Variants in NPHP4 observed in about 807,000 individuals in gnomAD.
NPHP4 encodes nephrocystin 4, also known as nephrocystin-4.
In NPHP4, 151 loss-of-function variants were observed where a neutral mutation model predicts 155.8. The ratio of observed to expected loss-of-function variants is 0.97; its 90% CI spans 0.85 to 1.11. NPHP4 has a LOEUF of 1.11. NPHP4 is among the 50% of genes least tolerant of loss of function. NPHP4 has a pLI of 0.00. For synonymous variants in NPHP4, 845 were observed against 816.8 expected, an observed-to-expected ratio of 1.03 and a Z score of -0.59; for missense variants, 1,956 against 1,925.7, an observed-to-expected ratio of 1.02 and a Z score of -0.29.
In NPHP4 at chr1:5,904,635, C is replaced by T. The variant is rs1282597137; in HGVS notation, c.2125G>A (p.Asp709Asn). ...LTHILVPVSR[D>N]GTFDAGSPGF... Reference sequence around the variant, plus strand: ...TACTCACCAGCATCAAAGGTGCCATCTCTGCTCACAGGCACGAGGATGTGG... The same window carrying T: ...TACTCACCAGCATCAAAGGTGCCATTTCTGCTCACAGGCACGAGGATGTGG... The change falls in exon 16 of 30, where the codon GAT becomes AAT. Residue 709 changes from aspartate to asparagine, a missense_variant. Coordinates refer to ENST00000378156, the MANE Select transcript of NPHP4 (RefSeq NM_015102.5). 2.5e-6 allele frequency: 4 copies of T among 1,610,576 alleles called. No individual in the cohort carries two copies. The highest frequency in any genetic ancestry group is 2.5e-6 in the Non-Finnish European group (3 of 1,177,432).
At chr1:5,988,690 A>G (rs964157237) in intron 1 of NPHP4, among the ~76,000 whole-genome samples, 7 of 152,192 alleles carry the variant, frequency 4.6e-5, no homozygotes, top group Non-Finnish European at 7.3e-5. Context: ...CACCCCCTGC[A>G]TGCTCCCGGC....
At chr1:5,922,909 G>C (rs1335489934) in intron 11 of NPHP4, among the ~76,000 whole-genome samples, 1 of 152,216 alleles carries the variant, frequency 6.6e-6, no homozygotes, top group Non-Finnish European at 1.5e-5. Context: ...GAGGCGGGTG[G>C]ATTGCTTGAG....
In NPHP4 at chr1:5,887,393, T is replaced by C. The variant is rs368049363; in HGVS notation, c.2378A>G (p.Gln793Arg). ...ELEVVATEYE[Q>R]DNMVVSGDML... ...GTCTCCACTCACCACCATGTTGTCC[T>C]GCTCGTATTCAGTTGCCACGACCTC... Residue 793 changes from glutamine to arginine, a missense_variant, in exon 18 of 30, where the codon CAG (glutamine) becomes CGG (arginine). Gln to Arg is a conservative substitution (Grantham distance 43). Transcript: ENST00000378156. 6.2e-7 allele frequency: 1 copy of C among 1,613,544 alleles called. No homozygotes were observed. Among genetic ancestry groups the C allele is most frequent in the Non-Finnish European group, 8.5e-7 (1 of 1,179,882 alleles).
At chr1:5,964,443 C>A (rs1196255564) in intron 5 of NPHP4, among the ~76,000 whole-genome samples, 1 of 152,124 alleles carries the variant, frequency 6.6e-6, no homozygotes, top group Non-Finnish European at 1.5e-5. Flanking sequence ...ACAGGTGAGC[C>A]CCAGTTGCCT....
rs115869141 is a variant in NPHP4 at position 5,864,435 on chromosome 1, C to G, written c.3899G>C (p.Ser1300Thr). The part of the protein sequence containing the change: ...HVGVRPLRAG[S>T]RFVHLNLVDV... ...CACCAGGTTGAGATGGACAAAGCGG[C>G]TGCCGGCCCTAAGGGGCCTCACGCC... Residue 1300 changes from serine (S) to threonine (T), a missense_variant, in exon 28 of 30, where the codon AGC becomes ACC. Transcript: ENST00000378156. 1.2e-6 allele frequency: 2 copies of G among 1,609,102 alleles called. No homozygotes were observed. The highest frequency in any genetic ancestry group is 1.1e-5 in the South Asian group (1 of 90,140).
At chr1:5,985,930 G>A (rs942790569) in intron 2 of NPHP4, among the ~76,000 whole-genome samples, 4 of 152,190 alleles carry the variant, frequency 2.6e-5, no homozygotes, top group Non-Finnish European at 4.4e-5. Flanking sequence ...ACTGGGCAAA[G>A]TCATCTAACA....
intron 23 of NPHP4, among the ~76,000 whole-genome samples, chr1:5,870,353 C>T (rs1220693660): frequency 6.6e-6 from 1 of 152,140 alleles, no homozygotes; most frequent in African/African-American, 2.4e-5. Flanking sequence ...AATAGAAATT[C>T]ATTGTTCATA....
chr1:5,900,393 G>A (rs1213718912), intron 16 of NPHP4, among the ~76,000 whole-genome samples: 2 of 152,318 alleles, frequency 1.3e-5, no homozygotes, highest in South Asian at 2.1e-4. Flanking sequence ...ATACGTGAGT[G>A]AGCGAGACAC....
intron 23 of NPHP4, among the ~76,000 whole-genome samples, chr1:5,870,405 C>T (rs970036686): frequency 1.3e-5 from 2 of 152,114 alleles, no homozygotes; most frequent in African/African-American, 2.4e-5. Context: ...GAAGGCACAG[C>T]TCTACCTTAC....
rs1001861077 is a variant in NPHP4, at chr1:5,882,355, G to A, written c.2486-2116C>T. ...TTACCCAGCCATCTCTCAGTGACGC[G>A]CTTACCCAGCCATCTCTCAGTGGTG... On this transcript the variant is annotated intron_variant, in intron 18 of 29. Coordinates refer to ENST00000378156, the MANE Select transcript of NPHP4 (RefSeq NM_015102.5). This position sits in a 1 kb window ranked among gnomAD's most constrained non-coding sequence, Gnocchi z 5.1. The A allele has an allele frequency of 6.6e-6, 1 of 151,332 alleles. No individual in the cohort carries two copies. The highest frequency in any genetic ancestry group is 1.5e-5 in the Non-Finnish European group (1 of 67,784). The allele number at this position is 151,332 out of a possible 1,614,324, so 9.4% of individuals were successfully genotyped here.
At chr1:5,935,458 T>C (rs755647983) in intron 9 of NPHP4, among the ~76,000 whole-genome samples, 3 of 152,230 alleles carry the variant, frequency 2.0e-5, no homozygotes, top group Non-Finnish European at 4.4e-5. Flanking sequence ...TTTCAACATT[T>C]GCCAAATACA....
chr1:5,923,234 A>G (rs1373268069), intron 11 of NPHP4, among the ~76,000 whole-genome samples: 2 of 152,196 alleles, frequency 1.3e-5, no homozygotes, highest in East Asian at 1.9e-4. Context: ...CAGGACTTCT[A>G]CTTCTGGCCA....
intron 6 of NPHP4, among the ~76,000 whole-genome samples, chr1:5,959,163 C>A (rs545029180): frequency 6.6e-6 from 1 of 152,256 alleles, no homozygotes; most frequent in East Asian, 1.9e-4. Context: ...ATGGCGTGTG[C>A]TCACCCTGCC....
intron 7 of NPHP4, among the ~76,000 whole-genome samples, chr1:5,952,002 C>T (rs1404132108): frequency 6.6e-6 from 1 of 152,222 alleles, no homozygotes; most frequent in Non-Finnish European, 1.5e-5. Context: ...GGCAAACAGG[C>T]TCAAAAGCCT....
At position 5,967,319 on chromosome 1, in the gene NPHP4, A is replaced by G. The variant is rs1289836034; in HGVS notation, c.497T>C (p.Leu166Pro). The change falls in exon 5 of 30, where the codon CTT (leucine) becomes CCT (proline). Residue 166 changes from leucine to proline, a missense_variant. Coordinates refer to ENST00000378156, the MANE Select transcript of NPHP4 (RefSeq NM_015102.5). ...CTTACGCTCTGCGGGGTCCTGGAGA[A>G]GCGGGTGCAGGAGGGCTCTGGGGGT... ...HGTPRALLHPLLQDPAEQNRH... is the reference protein window; with the variant it reads ...HGTPRALLHPPLQDPAEQNRH... 6.2e-7 allele frequency: 1 copy of G among 1,606,998 alleles called. No individual in the cohort carries two copies. Among genetic ancestry groups the G allele is most frequent in the South Asian group, 1.1e-5 (1 of 89,012 alleles).
At position 5,879,754 on chromosome 1, in the gene NPHP4, A is replaced by T. The variant is rs570131748; in HGVS notation, c.2611+360T>A. ...AGTCCTGCCCTAGATGCAGATGGGC[A>T]TTAACAGCACCACGAATGGTGCGCA... is the stretch of plus-strand genomic sequence containing the variant. On this transcript the variant is annotated intron_variant, in intron 19 of 29. Coordinates refer to ENST00000378156, the MANE Select transcript of NPHP4 (RefSeq NM_015102.5). 8.3e-5 allele frequency: 33 copies of T among 396,458 alleles called. No homozygotes were observed. The East Asian group carries it at 2.0e-3, about 24-fold the overall frequency. 24.6% of individuals were successfully genotyped at this position (396,458 alleles called of 1,614,324 possible).
At chr1:5,975,838 C>G (rs904733676) in intron 3 of NPHP4, among the ~76,000 whole-genome samples, 4 of 152,204 alleles carry the variant, frequency 2.6e-5, no homozygotes, top group African/African-American at 9.7e-5. Flanking sequence ...AGAGAGGCAT[C>G]CATTCCAAAG....
Position 5,992,308 on chromosome 1 carries a change from C to T in NPHP4, c.-103G>A, listed in dbSNP as rs1029420872. 1.3e-5 allele frequency: 2 copies of T among 152,140 alleles called. No homozygotes were observed. Among genetic ancestry groups the T allele is most frequent in the African/African-American group, 4.8e-5 (2 of 41,440 alleles). 9.4% of individuals were successfully genotyped at this position (152,140 alleles called of 1,614,324 possible). ...GAGCCCACGCTTTTCAGAGAGTCTC[C>T]ACTCGACGGACCCAGAGGCCCGGCG... On this transcript the variant is annotated 5_prime_UTR_variant, in exon 1 of 30. Transcript: ENST00000378156.
chr1:5,955,756 G>A (rs534443152), intron 6 of NPHP4, among the ~76,000 whole-genome samples: 1 of 152,306 alleles, frequency 6.6e-6, no homozygotes, highest in South Asian at 2.1e-4. Flanking sequence ...AGGGGAGGGA[G>A]AGGTTGTCAA....
Sources: gnomAD v4.1 joint callset for allele counts (sites outside exome capture counted in the v4.1 genomes callset) on GRCh38, gnomAD v4.1.1 for gene constraint, Gnocchi (gnomAD v3.1) non-coding constraint, MANE v1.5 for transcripts, NCBI Gene and HGNC (gene_info 2026-07-23, HGNC 2026-07-21) for gene names.